The following ZMYM1 variants were observed in gnomAD, a reference collection of about 807,000 sequenced individuals.
ZMYM1 encodes the protein zinc finger MYM-type protein 1.
In ZMYM1, 39 loss-of-function variants were observed where a neutral mutation model predicts 60.0. That is an observed-to-expected ratio of 0.65 (90% confidence interval 0.50 to 0.85). The LOEUF (loss-of-function observed/expected upper bound fraction) is 0.85, where lower values mean the gene tolerates loss of function less well. Among genes scored for constraint, ZMYM1 ranks in the 40% least tolerant of loss-of-function variants. ZMYM1 has a pLI of 0.00. For synonymous variants in ZMYM1, 413 were observed against 454.0 expected (o/e 0.91, Z 1.15); for missense variants, 1,171 against 1,309.5 (o/e 0.89, Z 1.63).
intron 1 of ZMYM1, among the ~76,000 whole-genome samples, chr1:35,061,891 A>G (rs917402978): frequency 6.6e-5 from 10 of 150,830 alleles, no homozygotes; most frequent in African/African-American, 2.5e-4. Flanking sequence ...GTGCAGTGGC[A>G]TGATCTCAGC....
At chr1:35,099,038 T>C (rs937850950) in intron 4 of ZMYM1, among the ~76,000 whole-genome samples, 1 of 152,220 alleles carries the variant, frequency 6.6e-6, no homozygotes. Context: ...TTTTGATAAA[T>C]GTACAAAAGA....
intron 1 of ZMYM1, among the ~76,000 whole-genome samples, chr1:35,072,352 A>T (rs79478266): frequency 0.014 from 2,144 of 152,250 alleles, 59 homozygotes; most frequent in African/African-American, 0.048. Flanking sequence ...ATAGTTGTTC[A>T]TGATAGTCTC....
intron 2 of ZMYM1, among the ~76,000 whole-genome samples, chr1:35,094,331 G>A (rs1234260408): frequency 6.6e-6 from 1 of 152,110 alleles, no homozygotes; most frequent in Non-Finnish European, 1.5e-5. Context: ...AGGGTGTTGT[G>A]GGCCTAGCTA....
intron 2 of ZMYM1, among the ~76,000 whole-genome samples, chr1:35,094,646 A>G (rs531911806): frequency 6.6e-6 from 1 of 152,224 alleles, no homozygotes; most frequent in East Asian, 1.9e-4. Context: ...CCTGAGCCCA[A>G]GAGTTTGAGA....
At chr1:35,102,883 T>C (rs1421661909) in intron 4 of ZMYM1, among the ~76,000 whole-genome samples, 1 of 152,232 alleles carries the variant, frequency 6.6e-6, no homozygotes, top group African/African-American at 2.4e-5. Context: ...CAAGACAGAA[T>C]ATTTTTTAAA....
At chr1:35,083,407 C>T (rs1263015375) in intron 1 of ZMYM1, among the ~76,000 whole-genome samples, 1 of 152,092 alleles carries the variant, frequency 6.6e-6, no homozygotes, top group African/African-American at 2.4e-5. Flanking sequence ...TGTCCTCTAC[C>T]TCCCGACATG....
At chr1:35,062,303 C>A (rs1307852391) in intron 1 of ZMYM1, among the ~76,000 whole-genome samples, 1 of 152,180 alleles carries the variant, frequency 6.6e-6, no homozygotes, top group Non-Finnish European at 1.5e-5. Context: ...TACTTAGAAG[C>A]AAGTTGTCAA....
At position 35,097,398 on chromosome 1, in the gene ZMYM1, C is replaced by T. The variant is rs770557335; in HGVS notation, c.251C>T (p.Ala84Val). 3 of 1,614,138 alleles carry T rather than the reference C, an allele frequency of 1.9e-6. No homozygotes were observed. In the East Asian group the frequency reaches 6.7e-5, roughly 36 times the overall value. Reference sequence around the variant, plus strand: ...ATGCTTCCTTCAGTTTCAACCACAGCTATTCAGGTTTCCTGTGCTGGTTGT... The same window carrying T: ...ATGCTTCCTTCAGTTTCAACCACAGTTATTCAGGTTTCCTGTGCTGGTTGT... ...NKMLPSVSTT[A>V]IQVSCAGCKK... Residue 84 changes from alanine (A) to valine (V), a missense_variant, in exon 4 of 10, where the codon GCT becomes GTT. Ala to Val is a moderately conservative substitution (Grantham distance 64). Transcript: ENST00000359858.
chr1:35,096,991 A>G (rs898496425), intron 3 of ZMYM1, among the ~76,000 whole-genome samples: 8 of 151,760 alleles, frequency 5.3e-5, no homozygotes, highest in Non-Finnish European at 1.0e-4. Context: ...ACACCTGGCT[A>G]ATTTTGTATT....
At chr1:35,105,816 A>G (rs4411101) in intron 6 of ZMYM1, among the ~76,000 whole-genome samples, 105,688 of 152,020 alleles carry the variant, frequency 0.7, 41,213 homozygotes, top group Non-Finnish European at 0.9. Flanking sequence ...ATGTTGCCCA[A>G]GCTTGTCTTA....
At chr1:35,087,244 A>C (rs993289451) in intron 1 of ZMYM1, among the ~76,000 whole-genome samples, 3 of 151,776 alleles carry the variant, frequency 2.0e-5, no homozygotes, top group African/African-American at 7.3e-5. Flanking sequence ...TGCCTGCCTC[A>C]GGCTCCCAAA....
intron 1 of ZMYM1, among the ~76,000 whole-genome samples, chr1:35,082,416 C>T (rs571992298): frequency 1.5e-4 from 23 of 151,822 alleles, no homozygotes; most frequent in African/African-American, 5.5e-4. Flanking sequence ...CTGCAACCTC[C>T]ACCTCCTGGG....
At chr1:35,080,314 CTTT>C (rs35214559) in intron 1 of ZMYM1, among the ~76,000 whole-genome samples, 6 of 125,482 alleles carry the variant, frequency 4.8e-5, no homozygotes, top group African/African-American at 6.4e-5. Flanking sequence ...ATTTGTGCTT[CTTT>C]TTTTTTTTTT....
At chr1:35,080,302 A>T (rs1360341398) in intron 1 of ZMYM1, among the ~76,000 whole-genome samples, 4 of 145,066 alleles carry the variant, frequency 2.8e-5, no homozygotes, top group African/African-American at 1.0e-4. Flanking sequence ...TAGTTCCCAT[A>T]TATTTGTGCT....
At chr1:35,082,162 G>A (rs1642420836) in intron 1 of ZMYM1, among the ~76,000 whole-genome samples, 1 of 151,638 alleles carries the variant, frequency 6.6e-6, no homozygotes, top group Non-Finnish European at 1.5e-5. Context: ...CTACTACAAT[G>A]TTGAAGATAA....
chr1:35,106,366 T>C (rs1196502731), intron 6 of ZMYM1, among the ~76,000 whole-genome samples: 1 of 152,118 alleles, frequency 6.6e-6, no homozygotes, highest in Non-Finnish European at 1.5e-5. Context: ...CCCAGCACTT[T>C]GGGAGGCCGA....
intron 2 of ZMYM1, among the ~76,000 whole-genome samples, chr1:35,094,329 G>T (rs1371136390): frequency 6.6e-6 from 1 of 152,186 alleles, no homozygotes; most frequent in Non-Finnish European, 1.5e-5. Context: ...TTAGGGTGTT[G>T]TGGGCCTAGC....
intron 7 of ZMYM1, 112 bp downstream of exon 7, chr1:35,110,559 A>G (rs762524314): frequency 6.5e-6 from 6 of 924,924 alleles, no homozygotes; most frequent in Non-Finnish European, 8.6e-6. Context: ...TTTAAAAGTC[A>G]AAACAATCTA....
intron 1 of ZMYM1, among the ~76,000 whole-genome samples, chr1:35,090,074 T>A (rs1642914262): frequency 6.6e-6 from 1 of 151,806 alleles, no homozygotes; most frequent in Non-Finnish European, 1.5e-5. Context: ...CCCGGCTAAT[T>A]TTTTTGTATT....
Sources: gnomAD v4.1 joint callset for allele counts (sites outside exome capture counted in the v4.1 genomes callset) on GRCh38, gnomAD v4.1.1 for gene constraint, MANE v1.5 for transcripts, NCBI Gene and HGNC (gene_info 2026-07-23, HGNC 2026-07-21) for gene names.